CLSTN2: variants seen among roughly 807,000 people sequenced by gnomAD.
The protein encoded by CLSTN2 is calsyntenin-2.
In CLSTN2, 48 loss-of-function variants were observed where a neutral mutation model predicts 101.2. That is an observed-to-expected ratio of 0.47 (90% CI 0.38 to 0.60). The LOEUF (loss-of-function observed/expected upper bound fraction) is 0.60. CLSTN2 is among the 20% of genes least tolerant of loss of function. The probability of loss-of-function intolerance (pLI) is 0.00; values close to 1 mark genes in which losing one functional copy is unlikely to be tolerated. For missense variants in CLSTN2, 1,160 were observed against 1,238.2 expected, an observed-to-expected ratio of 0.94 and a Z score of 0.95; for synonymous variants, 481 against 463.6, an observed-to-expected ratio of 1.04 and a Z score of -0.48.
At position 140,425,156 on chromosome 3, in the gene CLSTN2, G is replaced by A. The variant is rs1002090957; in HGVS notation, c.787+3882G>A. On this transcript the variant is annotated intron_variant, in intron 5 of 16. Transcript: ENST00000458420. ...GCACAGTGAATCCAATCCATTACAC[G>A]CAAGAGCTCCCACCTCCCCCAAGCA... Among the ~76,000 whole-genome samples the A allele has an allele frequency of 7.2e-5, 11 of 152,250 alleles. No homozygotes were observed. In the East Asian group the frequency reaches 2.1e-3, roughly 29 times the overall value.
intron 2 of CLSTN2, among the ~76,000 whole-genome samples, chr3:140,182,670 C>T (rs1323890340): frequency 1.3e-5 from 2 of 152,188 alleles, no homozygotes; most frequent in Admixed American, 6.5e-5. Flanking sequence ...CAATTCTTCA[C>T]CCTCCCTGCA....
At chr3:140,185,140 A>G (rs1328377053) in intron 2 of CLSTN2, among the ~76,000 whole-genome samples, 1 of 152,158 alleles carries the variant, frequency 6.6e-6, no homozygotes, top group East Asian at 1.9e-4. Flanking sequence ...CTATATCCCA[A>G]GTCCGGGGGA....
At chr3:139,946,180 A>G (rs1834500) in intron 1 of CLSTN2, among the ~76,000 whole-genome samples, 133,958 of 152,250 alleles carry the variant, frequency 0.88, 59,979 homozygotes, top group East Asian at 1. Flanking sequence ...CTCTGCAGCA[A>G]TACAGTTTAT....
chr3:140,200,459 C>A (rs1265361590), intron 2 of CLSTN2, among the ~76,000 whole-genome samples: 2 of 152,022 alleles, frequency 1.3e-5, no homozygotes, highest in African/African-American at 4.8e-5. Context: ...AGTCAACAAG[C>A]CATACAAGAA....
intron 2 of CLSTN2, among the ~76,000 whole-genome samples, chr3:140,395,610 G>T (rs2088172846): frequency 6.6e-6 from 1 of 152,162 alleles, no homozygotes; most frequent in Non-Finnish European, 1.5e-5. Context: ...TACTTTTGAA[G>T]ATTTTAAGTG....
intron 1 of CLSTN2, among the ~76,000 whole-genome samples, chr3:139,993,016 C>T (rs1936141569): frequency 6.6e-6 from 1 of 152,152 alleles, no homozygotes; most frequent in Admixed American, 6.5e-5. Context: ...TTCTAAAGTT[C>T]ATTTTCAATT....
intron 2 of CLSTN2, among the ~76,000 whole-genome samples, chr3:140,233,392 A>T (rs2086388393): frequency 6.6e-6 from 1 of 152,076 alleles, no homozygotes; most frequent in South Asian, 2.1e-4. Flanking sequence ...CTCATGCAGC[A>T]CCCCATGGCT....
chr3:140,289,708 A>G (rs141301434), intron 2 of CLSTN2, among the ~76,000 whole-genome samples: 38 of 152,242 alleles, frequency 2.5e-4, no homozygotes, highest in Non-Finnish European at 4.4e-4. Flanking sequence ...ACACAAAAAG[A>G]TACATCTGTA....
At chr3:140,074,953 A>G (rs910019268) in intron 1 of CLSTN2, among the ~76,000 whole-genome samples, 2 of 152,108 alleles carry the variant, frequency 1.3e-5, no homozygotes, top group Non-Finnish European at 2.9e-5. Flanking sequence ...GGTATTTTTC[A>G]TGGACACAGT....
chr3:140,488,792 C>T (rs995543737), intron 8 of CLSTN2, among the ~76,000 whole-genome samples: 1 of 151,706 alleles, frequency 6.6e-6, no homozygotes, highest in Non-Finnish European at 1.5e-5. Context: ...ACACCATTTG[C>T]ACTAAAAGAT....
intron 8 of CLSTN2, among the ~76,000 whole-genome samples, chr3:140,472,601 C>T (rs1187979418): frequency 6.6e-6 from 1 of 152,198 alleles, no homozygotes; most frequent in African/African-American, 2.4e-5. Flanking sequence ...ATGCAGCAGG[C>T]CACTCTGCTC....
intron 8 of CLSTN2, chr3:140,508,422 C>T (rs536965510): frequency 2.0e-5 from 3 of 152,254 alleles, no homozygotes; most frequent in Admixed American, 2.0e-4. Flanking sequence ...GTTGATCTGC[C>T]AATACATACT....
At position 140,556,622 on chromosome 3, in the gene CLSTN2, C is replaced by T. The variant is rs368537354; in HGVS notation, c.1784C>T (p.Thr595Met). ...VSYINSRQFPTAGVRRLKVSS... is the reference protein window; with the variant it reads ...VSYINSRQFPMAGVRRLKVSS... The stretch of plus-strand genomic sequence containing the variant: ...TACATCAACTCCAGGCAGTTCCCAA[C>T]GGCGGGTGTGCGGCGCCTCAAAGTA... Residue 595 changes from threonine to methionine, a missense_variant, in exon 11 of 17, where the codon ACG (threonine) becomes ATG (methionine). By Grantham distance (81) the Thr-to-Met change is moderately conservative (BLOSUM62 -1). Coordinates refer to ENST00000458420, the MANE Select transcript of CLSTN2 (RefSeq NM_022131.3). 1.1e-4 allele frequency: 173 copies of T among 1,613,962 alleles called. 1 individual carries two copies. Among genetic ancestry groups the T allele is most frequent in the South Asian group, 1.8e-4 (16 of 91,076 alleles).
intron 5 of CLSTN2, among the ~76,000 whole-genome samples, chr3:140,433,144 G>A (rs956892976): frequency 2.0e-5 from 3 of 152,202 alleles, no homozygotes; most frequent in African/African-American, 4.8e-5. Context: ...TTGGGGGAAA[G>A]TTCTGAAATT....
intron 1 of CLSTN2, among the ~76,000 whole-genome samples, chr3:140,069,112 G>C (rs1328186448): frequency 6.6e-6 from 1 of 152,196 alleles, no homozygotes; most frequent in Non-Finnish European, 1.5e-5. Flanking sequence ...TCTTCCAAGA[G>C]GAAAATTAAA....
chr3:140,319,879 A>T (rs571402198), intron 2 of CLSTN2, among the ~76,000 whole-genome samples: 1 of 152,198 alleles, frequency 6.6e-6, no homozygotes, highest in Admixed American at 6.5e-5. Context: ...CAACTCAGTC[A>T]CCTCCCCTCA....
At chr3:140,453,851 G>A (rs1299833416) in intron 6 of CLSTN2, among the ~76,000 whole-genome samples, 3 of 152,122 alleles carry the variant, frequency 2.0e-5, no homozygotes, top group East Asian at 1.9e-4. Flanking sequence ...AAAGTTCATG[G>A]TTTTCTAGTG....
At position 140,459,788 on chromosome 3, in the gene CLSTN2, C is replaced by T. The variant is rs1270288738; in HGVS notation, c.1222+19C>T. ...AAAACCGGTGAGTCTCTAGCCCAGC[C>T]CTTCCACCCCTCCTACCCCAGCAGC... is the stretch of plus-strand genomic sequence containing the variant. On this transcript the variant is annotated intron_variant, in intron 7 of 16. Transcript: ENST00000458420. 4 of 1,563,650 alleles carry T rather than the reference C, an allele frequency of 2.6e-6. No homozygotes were observed. Among genetic ancestry groups the T allele is most frequent in the Non-Finnish European group, 3.5e-6 (4 of 1,153,442 alleles).
chr3:140,466,524 TGCTA>T (rs1933707227), intron 7 of CLSTN2, 82 bp from the exon 8 acceptor site: 2 of 1,545,282 alleles, frequency 1.3e-6, no homozygotes, highest in East Asian at 4.5e-5. Context: ...CTCTGTGCTG[TGCTA>T]AGTGAGTGAG....
Sources: gnomAD v4.1 joint callset for allele counts (sites outside exome capture counted in the v4.1 genomes callset) on GRCh38, gnomAD v4.1.1 for gene constraint, MANE v1.5 for transcripts, NCBI Gene and HGNC (gene_info 2026-07-23, HGNC 2026-07-21) for gene names.